The following CEP97 variants were observed in gnomAD, a reference collection of about 807,000 sequenced individuals.
CEP97 encodes the protein centrosomal protein of 97 kDa.
A neutral mutation model predicts 73.1 loss-of-function variants in CEP97; 43 were observed. The observed-to-expected ratio is 0.59, with a 90% CI of 0.46 to 0.76. The LOEUF (loss-of-function observed/expected upper bound fraction) is 0.76. Ranked by LOEUF, CEP97 falls within the 30% of genes least tolerant of loss-of-function variation. The pLI, the probability that CEP97 is intolerant of heterozygous loss-of-function variation, is 0.00. For missense variants in CEP97, 939 were observed against 1,014.0 expected, an observed-to-expected ratio of 0.93 and a Z score of 1.00; for synonymous variants, 337 against 370.0, an observed-to-expected ratio of 0.91 and a Z score of 1.02.
intron 6 of CEP97, among the ~76,000 whole-genome samples, chr3:101,733,692 G>A (rs1045387114): frequency 2.6e-5 from 4 of 151,348 alleles, no homozygotes; most frequent in Non-Finnish European, 4.4e-5. Flanking sequence ...CACTACGCCC[G>A]GCTAATTTTT....
chr3:101,763,621 A>C (rs1939228926), intron 10 of CEP97, among the ~76,000 whole-genome samples: 1 of 152,214 alleles, frequency 6.6e-6, no homozygotes, highest in Non-Finnish European at 1.5e-5. Flanking sequence ...AAAACTGTAC[A>C]TACTGCTTTC....
rs1560020381 is a variant in CEP97, at chr3:101,758,240, C to T, written c.1634C>T (p.Ser545Phe). The T allele has an allele frequency of 1.2e-6, 2 of 1,614,234 alleles. No homozygotes were observed. The highest frequency in any genetic ancestry group is 1.3e-5 in the African/African-American group (1 of 75,062). The stretch of plus-strand genomic sequence containing the variant: ...CTTCCCATGATTTTAACCCAGAGAT[C>T]TGTTGCTTTGGGACAAGACAAAGTT... ...EKLPMILTQR[S>F]VALGQDKVAL... is the part of the protein sequence containing the mutation. Residue 545 changes from serine (S) to phenylalanine (F), a missense_variant, in exon 9 of 11, where the codon TCT becomes TTT. By Grantham distance (155) the Ser-to-Phe change is radical (BLOSUM62 -2). Coordinates refer to ENST00000341893, the MANE Select transcript of CEP97 (RefSeq NM_024548.4).
intron 6 of CEP97, among the ~76,000 whole-genome samples, chr3:101,734,995 A>C (rs1055284800): frequency 1.3e-5 from 2 of 152,140 alleles, no homozygotes; most frequent in Admixed American, 1.3e-4. Flanking sequence ...AAGTTTCCTC[A>C]TCTGTAAAAT....
At chr3:101,730,228 GTTTTTTTGTT>G (rs1344906993) in intron 4 of CEP97, among the ~76,000 whole-genome samples, 250 of 115,574 alleles carry the variant, frequency 2.2e-3, no homozygotes, top group Middle Eastern at 4.1e-3. Flanking sequence ...GGCCGAGTCT[GTTTTTTTGTT>G]TTGTTTTGTT....
Position 101,750,369 on chromosome 3 carries a change from C to T in CEP97, c.729-5061C>T, listed in dbSNP as rs541922305. Among the ~76,000 whole-genome samples, 701 of 150,562 alleles carry T rather than the reference C, an allele frequency of 4.7e-3. 4 individuals are homozygous for T. The highest frequency in any genetic ancestry group is 0.017 in the Admixed American group (264 of 15,090). The stretch of plus-strand genomic sequence containing the variant: ...ATTGATCTATATCTCTGTTTTGGTA[C>T]CAGTACCATGCTGTTTTGGTTACTG... On this transcript the variant is annotated intron_variant, in intron 6 of 10. Transcript: ENST00000341893.
intron 10 of CEP97, among the ~76,000 whole-genome samples, chr3:101,763,912 T>C (rs762767265): frequency 5.5e-5 from 4 of 72,560 alleles, no homozygotes; most frequent in Non-Finnish European, 1.4e-4. Flanking sequence ...CATGTGCTGT[T>C]GCGCATTATT....
intron 6 of CEP97, among the ~76,000 whole-genome samples, chr3:101,753,496 T>C (rs1015998262): frequency 6.6e-6 from 1 of 152,234 alleles, no homozygotes; most frequent in African/African-American, 2.4e-5. Context: ...GTCTGTGCCC[T>C]GCCCCCAGAG....
intron 6 of CEP97, among the ~76,000 whole-genome samples, chr3:101,738,972 A>C (rs1281563795): frequency 6.6e-6 from 1 of 152,218 alleles, no homozygotes; most frequent in Admixed American, 6.5e-5. Context: ...AAATAGACAC[A>C]ATAAAAAATG....
intron 6 of CEP97, among the ~76,000 whole-genome samples, chr3:101,737,522 TG>T (rs900711952): frequency 8.6e-5 from 13 of 151,810 alleles, no homozygotes; most frequent in African/African-American, 2.9e-4. Flanking sequence ...CAGAAGAGAG[TG>T]GGGGCCGATA....
intron 6 of CEP97, among the ~76,000 whole-genome samples, chr3:101,750,470 T>C (rs1382181365): frequency 6.6e-6 from 1 of 152,190 alleles, no homozygotes; most frequent in African/African-American, 2.4e-5. Context: ...TTGATTGGAA[T>C]AGTTTCAGAA....
At chr3:101,758,532 T>C in intron 9 of CEP97, 109 bp downstream of exon 9, 2 of 1,319,050 alleles carry the variant, frequency 1.5e-6, no homozygotes, top group Non-Finnish European at 2.1e-6. Flanking sequence ...TTTCACACAA[T>C]GTAGCCACTG....
Position 101,755,536 on chromosome 3 carries a change from A to G in CEP97, c.835A>G (p.Thr279Ala). The G allele has an allele frequency of 9.3e-6, 15 of 1,614,180 alleles. No individual in the cohort carries two copies. Among genetic ancestry groups the G allele is most frequent in the Non-Finnish European group, 1.3e-5 (15 of 1,180,012 alleles). The change falls in exon 7 of 11, where the codon ACA (threonine) becomes GCA (alanine). Residue 279 changes from threonine to alanine, a missense_variant. Coordinates refer to ENST00000341893, the MANE Select transcript of CEP97 (RefSeq NM_024548.4). ...GGCTACAGTCTGCCCCCTCACTTCT[A>G]CACTAGGTCTTCAAACTGCAGAGGA... ...YLATVCPLTS[T>A]LGLQTAEDAK...
At chr3:101,763,251 TATTG>T in intron 10 of CEP97, 1 of 1,171,908 alleles carries the variant, frequency 8.5e-7, no homozygotes, top group Middle Eastern at 3.2e-4. Context: ...AAAAAATAAT[TATTG>T]ATTTGTAAAG....
At chr3:101,756,164 A>T (rs1203722291) in intron 7 of CEP97, among the ~76,000 whole-genome samples, 2 of 149,274 alleles carry the variant, frequency 1.3e-5, no homozygotes, top group Non-Finnish European at 3.0e-5. Context: ...AGTTCAAATG[A>T]TTCTCGGGTC....
At chr3:101,751,995 C>G (rs1938842384) in intron 6 of CEP97, among the ~76,000 whole-genome samples, 2 of 152,098 alleles carry the variant, frequency 1.3e-5, no homozygotes, top group South Asian at 4.1e-4. Flanking sequence ...CCTTGATGGT[C>G]TTTACAATTT....
Position 101,765,733 on chromosome 3 carries a change from G to C in CEP97, c.*182G>C. 1.7e-6 allele frequency: 1 copy of C among 574,344 alleles called. No homozygotes were observed. The highest frequency in any genetic ancestry group is 3.0e-6 in the Non-Finnish European group (1 of 331,348). The allele number at this position is 574,344 out of a possible 1,614,324, so 35.6% of individuals were successfully genotyped here. ...TGAGCTGAGTTTTCATTTTGATTTT[G>C]TTAGCTTTTTACTTAGCTGTAAGGT... On this transcript the variant is annotated 3_prime_UTR_variant, in exon 11 of 11. Transcript: ENST00000341893.
At position 101,752,194 on chromosome 3, in the gene CEP97, T is replaced by G. The variant is rs188227639; in HGVS notation, c.729-3236T>G. Among the ~76,000 whole-genome samples the G allele has an allele frequency of 2.1e-3, 317 of 152,346 alleles. 2 individuals are homozygous for G. Among genetic ancestry groups the G allele is most frequent in the African/African-American group, 6.4e-3 (268 of 41,582 alleles). ...TATGAAATTCTGGGTTGAAATTCTT[T>G]TCTTTAAGAATGTTGAATATTATTG... On this transcript the variant is annotated intron_variant, in intron 6 of 10. Coordinates refer to ENST00000341893, the MANE Select transcript of CEP97 (RefSeq NM_024548.4).
In CEP97 at chr3:101,765,588, C is replaced by G; in HGVS notation, c.*37C>G. ...GGAGGCAGATATCCACTTAACTTTT[C>G]TTAAAAATACTTTCAGTTGCCTTTG... On this transcript the variant is annotated 3_prime_UTR_variant, in exon 11 of 11. Transcript: ENST00000341893. 6.6e-7 allele frequency: 1 copy of G among 1,514,534 alleles called. No individual in the cohort carries two copies. The highest frequency in any genetic ancestry group is 8.9e-7 in the Non-Finnish European group (1 of 1,123,372). 93.8% of individuals were successfully genotyped at this position (1,514,534 alleles called of 1,614,324 possible).
chr3:101,727,991 TTTA>T (rs1431555452), intron 3 of CEP97, among the ~76,000 whole-genome samples: 1 of 152,224 alleles, frequency 6.6e-6, no homozygotes, highest in Non-Finnish European at 1.5e-5. Context: ...ATAGCTGCCT[TTTA>T]TTGAGCCATT....
Sources: allele counts gnomAD v4.1 joint callset (sites outside exome capture counted in the v4.1 genomes callset), GRCh38; gene constraint gnomAD v4.1.1; transcripts MANE v1.5; gene names NCBI Gene and HGNC (gene_info 2026-07-23, HGNC 2026-07-21).